Variants in CLCN3 observed in about 807,000 individuals in gnomAD.
CLCN3 encodes the protein Cl-/H+ antiporter 3.
Under a neutral mutation model 83.4 loss-of-function variants are expected in CLCN3, and 16 were observed. That is an observed-to-expected ratio of 0.19 (90% CI 0.13 to 0.29). The LOEUF (loss-of-function observed/expected upper bound fraction) is 0.29, where lower values mean the gene tolerates loss of function less well. CLCN3 is among the 10% of genes least tolerant of loss of function. The pLI is 1.00. For synonymous variants in CLCN3, 322 were observed against 346.2 expected, an observed-to-expected ratio of 0.93 and a Z score of 0.78; for missense variants, 544 against 1,006.0, an observed-to-expected ratio of 0.54 and a Z score of 6.21.
chr4:169,620,682 G>T lies in CLCN3; in HGVS notation c.-398G>T, dbSNP rs371822582. 4 of 398,536 alleles carry T rather than the reference G, an allele frequency of 1.0e-5. No individual in the cohort carries two copies. The highest frequency in any genetic ancestry group is 2.6e-4 in the South Asian group (2 of 7,678). 24.7% of individuals were successfully genotyped at this position (398,536 alleles called of 1,614,324 possible). Reference sequence around the variant, plus strand: ...CCGGAATAATGAGCAAGGAGGGTGTGGTGGGTTGAAAGCCATCCTACTTTA... The same window carrying T: ...CCGGAATAATGAGCAAGGAGGGTGTTGTGGGTTGAAAGCCATCCTACTTTA... On this transcript the variant is annotated 5_prime_UTR_variant, in exon 1 of 13. Coordinates refer to ENST00000513761, the MANE Select transcript of CLCN3 (RefSeq NM_001829.4).
intron 1 of CLCN3, among the ~76,000 whole-genome samples, chr4:169,622,558 TAA>T (rs1436482510): frequency 6.6e-6 from 1 of 152,204 alleles, no homozygotes; most frequent in Non-Finnish European, 1.5e-5. Context: ...TATTTTATAA[TAA>T]GTGTTAATAT....
chr4:169,682,304 C>T (rs2150241291), intron 3 of CLCN3, among the ~76,000 whole-genome samples: 1 of 152,286 alleles, frequency 6.6e-6, no homozygotes, highest in South Asian at 2.1e-4. Context: ...GGGAACCTAT[C>T]ATCCTCACAG....
At chr4:169,679,217 G>A (rs1013109255) in intron 2 of CLCN3, among the ~76,000 whole-genome samples, 1 of 151,376 alleles carries the variant, frequency 6.6e-6, no homozygotes, top group Non-Finnish European at 1.5e-5. Context: ...TCCCAGACGG[G>A]GCAGCCGGGC....
In CLCN3 at chr4:169,713,149, T is replaced by C. The variant is rs747615386; in HGVS notation, c.2220T>C (p.Ser740=). The part of the protein sequence containing the change: ...SRVCFAQHTP[S]LPAESPRPLK... ...TGTGTTTTGCACAGCACACCCCATCTCTTCCAGCAGAAAGTCCTCGGCCAT... is the reference window on the plus strand; with the variant it reads ...TGTGTTTTGCACAGCACACCCCATCCCTTCCAGCAGAAAGTCCTCGGCCAT... Residue 740 remains serine (S), a synonymous_variant, in exon 12 of 13, where the codon TCT becomes TCC. Coordinates refer to ENST00000513761, the MANE Select transcript of CLCN3 (RefSeq NM_001829.4). 6.2e-7 allele frequency: 1 copy of C among 1,614,182 alleles called. No individual in the cohort carries two copies. Among genetic ancestry groups the C allele is most frequent in the Admixed American group, 1.7e-5 (1 of 60,028 alleles).
At chr4:169,659,380 A>C (rs1730976911) in intron 2 of CLCN3, among the ~76,000 whole-genome samples, 1 of 152,206 alleles carries the variant, frequency 6.6e-6, no homozygotes, top group Non-Finnish European at 1.5e-5. Context: ...ATTTTATAAC[A>C]ATTTCTAGAA....
At chr4:169,634,677 A>G (rs1277284983) in intron 1 of CLCN3, among the ~76,000 whole-genome samples, 2 of 152,208 alleles carry the variant, frequency 1.3e-5, no homozygotes, top group African/African-American at 4.8e-5. Context: ...TCCTCCAAGA[A>G]CAGTTTAATA....
At chr4:169,651,071 C>CA (rs1350749103) in intron 2 of CLCN3, among the ~76,000 whole-genome samples, 1 of 152,036 alleles carries the variant, frequency 6.6e-6, no homozygotes, top group Non-Finnish European at 1.5e-5. Flanking sequence ...TAGATATCAT[C>CA]AGAAAGGTCA....
intron 1 of CLCN3, among the ~76,000 whole-genome samples, chr4:169,626,212 G>C (rs1773230649): frequency 1.3e-5 from 2 of 152,240 alleles, no homozygotes; most frequent in Non-Finnish European, 2.9e-5. Flanking sequence ...TATAAAGGAT[G>C]TTCAAAGGAT....
In CLCN3 at chr4:169,720,519, C is replaced by T. The variant is rs1733595107; in HGVS notation, c.*522C>T. 9.3e-6 allele frequency: 1 copy of T among 107,572 alleles called. No homozygotes were observed. Among genetic ancestry groups the T allele is most frequent in the South Asian group, 3.9e-4 (1 of 2,564 alleles). The allele number at this position is 107,572 out of a possible 1,614,324, so 6.7% of individuals were successfully genotyped here. On this transcript the variant is annotated 3_prime_UTR_variant, in exon 13 of 13. Coordinates refer to ENST00000513761, the MANE Select transcript of CLCN3 (RefSeq NM_001829.4). The stretch of plus-strand genomic sequence containing the variant: ...ATTACCTTTCTACATTCCAGAAGAG[C>T]CTTTATTTCTCTCTCTCTCTCTCTC...
chr4:169,682,178 T>C (rs1034017422), intron 3 of CLCN3, among the ~76,000 whole-genome samples: 1 of 152,208 alleles, frequency 6.6e-6, no homozygotes, highest in African/African-American at 2.4e-5. Flanking sequence ...AAAATATTGA[T>C]TCACTGATTT....
chr4:169,660,421 A>C (rs781669163), intron 2 of CLCN3: 21 of 1,386,900 alleles, frequency 1.5e-5, no homozygotes, highest in Non-Finnish European at 3.7e-6. Context: ...AGGAGACAGT[A>C]TTCCCCTGAG....
rs1733610688 is a variant in CLCN3, at chr4:169,720,816, G to T, written c.*819G>T. ...ATTGTGTGCCGTGTGGCTCAAAACC[G>T]AAAACAATGAAGCTTGGTTTTAAAG... On this transcript the variant is annotated 3_prime_UTR_variant, in exon 13 of 13. Transcript: ENST00000513761. The T allele has an allele frequency of 1.3e-5, 2 of 152,628 alleles. No homozygotes were observed. Among genetic ancestry groups the T allele is most frequent in the Admixed American group, 6.5e-5 (1 of 15,276 alleles). The allele number at this position is 152,628 out of a possible 1,614,324, so 9.5% of individuals were successfully genotyped here. A position where few individuals can be genotyped will look rare whatever the true frequency, so the allele number is the denominator to read the frequency against.
At chr4:169,684,216 T>G (rs895097062) in intron 3 of CLCN3, among the ~76,000 whole-genome samples, 41 of 152,326 alleles carry the variant, frequency 2.7e-4, no homozygotes, top group African/African-American at 9.9e-4. Context: ...TGGTTGCAGT[T>G]TAATTGTTGT....
intron 9 of CLCN3, among the ~76,000 whole-genome samples, 160 bp from the exon 10 acceptor site, chr4:169,703,838 A>C (rs1277399723): frequency 2.0e-5 from 3 of 152,164 alleles, no homozygotes; most frequent in Non-Finnish European, 1.5e-5. Context: ...GGGATTGTTA[A>C]GGTACAAGAT....
intron 11 of CLCN3, 83 bp from the exon 12 acceptor site, chr4:169,712,996 A>AT (rs1238907626): frequency 3.8e-5 from 38 of 1,009,798 alleles, no homozygotes; most frequent in East Asian, 1.3e-4. Context: ...GGATACATTA[A>AT]TTTTTTTTAT....
chr4:169,650,651 A>C (rs1730705947), intron 2 of CLCN3, among the ~76,000 whole-genome samples: 2 of 152,220 alleles, frequency 1.3e-5, no homozygotes, highest in South Asian at 4.1e-4. Flanking sequence ...AAAAGGTCAG[A>C]GCTCTTTTAA....
At chr4:169,651,378 T>C (rs1387712209) in intron 2 of CLCN3, among the ~76,000 whole-genome samples, 1 of 152,128 alleles carries the variant, frequency 6.6e-6, no homozygotes, top group Non-Finnish European at 1.5e-5. Flanking sequence ...AGAATTTCAG[T>C]TGAAAAGGGC....
At chr4:169,679,138 G>T (rs1270217133) in intron 2 of CLCN3, among the ~76,000 whole-genome samples, 1 of 149,458 alleles carries the variant, frequency 6.7e-6, no homozygotes, top group African/African-American at 2.5e-5. Flanking sequence ...CTCAGATGGG[G>T]TCGCGGCTGG....
At chr4:169,691,205 A>T (rs1397270339) in intron 6 of CLCN3, among the ~76,000 whole-genome samples, 2 of 150,722 alleles carry the variant, frequency 1.3e-5, no homozygotes, top group African/African-American at 2.4e-5. Context: ...TTTAGTAGAG[A>T]TGGGGTTTCA....
Sources: gnomAD v4.1 joint callset for allele counts (sites outside exome capture counted in the v4.1 genomes callset) on GRCh38, gnomAD v4.1.1 for gene constraint, MANE v1.5 for transcripts, NCBI Gene and HGNC (gene_info 2026-07-23, HGNC 2026-07-21) for gene names.